The following PIEZO2 variants were observed in gnomAD, a reference collection of about 807,000 sequenced individuals.
PIEZO2 encodes piezo type mechanosensitive ion channel component 2, also known as piezo-type mechanosensitive ion channel component 2.
Under a neutral mutation model 337.3 loss-of-function variants are expected in PIEZO2, and 172 were observed. That is an observed-to-expected ratio of 0.51 (90% CI 0.45 to 0.58). The LOEUF (loss-of-function observed/expected upper bound fraction) is 0.58. Among genes scored for constraint, PIEZO2 ranks in the 20% least tolerant of loss-of-function variants. The probability of loss-of-function intolerance (pLI) is 0.00; values close to 1 mark genes in which losing one functional copy is unlikely to be tolerated. For synonymous variants in PIEZO2, 1,251 were observed against 1,228.5 expected (o/e 1.02, Z -0.38); for missense variants, 3,028 against 3,391.3 (o/e 0.89, Z 2.66).
At chr18:10,858,010 T>C (rs201233905) in intron 5 of PIEZO2, among the ~76,000 whole-genome samples, 53 of 149,126 alleles carry the variant, frequency 3.6e-4, no homozygotes, top group African/African-American at 1.0e-3. Flanking sequence ...TCTTTCTTTT[T>C]TTTTTTTTTT....
intron 2 of PIEZO2, among the ~76,000 whole-genome samples, chr18:11,023,027 C>T (rs1293788134): frequency 6.6e-6 from 1 of 152,058 alleles, no homozygotes; most frequent in African/African-American, 2.4e-5. Context: ...CCAGTGGGTT[C>T]GTGGTCTCGT....
rs1258288726 is a variant in PIEZO2, at chr18:11,110,046, A to G, written c.64+38479T>C. On this transcript the variant is annotated intron_variant, in intron 1 of 55. Coordinates refer to ENST00000674853, the MANE Select transcript of PIEZO2 (RefSeq NM_001378183.1). This position sits in a 1 kb window ranked among gnomAD's most constrained non-coding sequence, Gnocchi z 4.2. ...ATCTTTATCTCCATGGTGGGTGGAC[A>G]ATGACAGGTTCAGGAGTAACTGCAA... 6.6e-6 allele frequency among the ~76,000 whole-genome samples: 1 copy of G among 152,202 alleles called. No individual in the cohort carries two copies. The highest frequency in any genetic ancestry group is 1.5e-5 in the Non-Finnish European group (1 of 68,040).
intron 2 of PIEZO2, among the ~76,000 whole-genome samples, chr18:10,986,295 C>T (rs375009864): frequency 8.5e-5 from 13 of 152,056 alleles, no homozygotes; most frequent in African/African-American, 3.1e-4. Context: ...AAGAAAATTA[C>T]AGGCCAATAT....
At chr18:10,800,706 ACTTTGC>A (rs1251354703) in intron 10 of PIEZO2, among the ~76,000 whole-genome samples, 7 of 152,226 alleles carry the variant, frequency 4.6e-5, no homozygotes. Context: ...ATCTTGTTGC[ACTTTGC>A]CTGAAACCAT....
At position 10,746,946 on chromosome 18, in the gene PIEZO2, G is replaced by T. The variant is rs1376610522; in HGVS notation, c.4424+1525C>A. ...ATACCAGGTGTACTGTAGTAGAATT[G>T]CTTGCTCATGTGCCACTTTCCTGCT... On this transcript the variant is annotated intron_variant, in intron 30 of 55. Coordinates refer to ENST00000674853, the MANE Select transcript of PIEZO2 (RefSeq NM_001378183.1). This position sits in a 1 kb window ranked among gnomAD's most constrained non-coding sequence, Gnocchi z 4.2. Among the ~76,000 whole-genome samples the T allele has an allele frequency of 1.3e-5, 2 of 152,170 alleles. No individual in the cohort carries two copies. Among genetic ancestry groups the T allele is most frequent in the Non-Finnish European group, 2.9e-5 (2 of 68,028 alleles).
chr18:11,041,344 A>G (rs866026308), intron 2 of PIEZO2, among the ~76,000 whole-genome samples: 7 of 152,334 alleles, frequency 4.6e-5, no homozygotes, highest in Middle Eastern at 3.4e-3. Flanking sequence ...AAGGATAAAG[A>G]GAAAGAGAAA....
At chr18:10,802,478 A>G (rs2144286150) in intron 9 of PIEZO2, among the ~76,000 whole-genome samples, 1 of 152,340 alleles carries the variant, frequency 6.6e-6, no homozygotes, top group African/African-American at 2.4e-5. Context: ...TAAATAATTT[A>G]AATAGTTATT....
chr18:10,931,880 C>T (rs1598710290), intron 3 of PIEZO2, among the ~76,000 whole-genome samples: 1 of 152,182 alleles, frequency 6.6e-6, no homozygotes, highest in Non-Finnish European at 1.5e-5. Flanking sequence ...ATTTATTTAG[C>T]TAGTTCCTCT....
intron 43 of PIEZO2, 97 bp from the exon 44 acceptor site, chr18:10,699,274 A>G (rs2035233471): frequency 6.9e-7 from 1 of 1,457,078 alleles, no homozygotes; most frequent in Non-Finnish European, 9.2e-7. Context: ...CTGTCCTTCA[A>G]GATTAGAAAA....
rs563893566 is a variant in PIEZO2 at position 10,732,199 on chromosome 18, G to A, written c.4915-678C>T. The stretch of plus-strand genomic sequence containing the variant: ...AACCAGGAAAGAGCAATTGTGAAGA[G>A]CCCCCATACCAAGAGTCTCCCAAAT... On this transcript the variant is annotated intron_variant, in intron 35 of 55. Coordinates refer to ENST00000674853, the MANE Select transcript of PIEZO2 (RefSeq NM_001378183.1). Among the ~76,000 whole-genome samples the A allele has an allele frequency of 9.2e-5, 14 of 152,222 alleles. No individual in the cohort carries two copies. In the South Asian group the frequency reaches 2.1e-3, roughly 23 times the overall value.
intron 5 of PIEZO2, among the ~76,000 whole-genome samples, chr18:10,868,025 C>T (rs1218283750): frequency 1.3e-5 from 2 of 152,220 alleles, no homozygotes; most frequent in South Asian, 2.1e-4. Context: ...ATCTCCACTT[C>T]CACTGGGGGT....
rs1460575458 is a variant in PIEZO2 at position 10,830,450 on chromosome 18, T to C, written c.918-23176A>G. Among the ~76,000 whole-genome samples, 2 of 151,366 alleles carry C rather than the reference T, an allele frequency of 1.3e-5. No homozygotes were observed. Among genetic ancestry groups the C allele is most frequent in the African/African-American group, 4.9e-5 (2 of 40,846 alleles). ...CTAGCACCATTTATTGAAGAGACTG[T>C]CCTTTCCCCCCTTTTATGCCTCTGG... On this transcript the variant is annotated intron_variant, in intron 7 of 55. Transcript: ENST00000674853. The surrounding 1 kb of genome is among the most constrained non-coding windows in gnomAD (Gnocchi z 4.7).
At position 10,935,741 on chromosome 18, in the gene PIEZO2, C is replaced by T. The variant is rs536016628; in HGVS notation, c.287-24513G>A. On this transcript the variant is annotated intron_variant, in intron 3 of 55. Transcript: ENST00000674853. ...ACTCTTAATTCTGCTGCCAGTGGGC[C>T]GAGCATGCCACATTGTTCACTCCAC... 9.7e-4 allele frequency among the ~76,000 whole-genome samples: 147 copies of T among 152,288 alleles called. 1 individual carries two copies. The highest frequency in any genetic ancestry group is 3.1e-3 in the African/African-American group (129 of 41,562).
chr18:10,889,849 T>C (rs899477961), intron 4 of PIEZO2, among the ~76,000 whole-genome samples: 5 of 152,188 alleles, frequency 3.3e-5, no homozygotes, highest in African/African-American at 9.7e-5. Flanking sequence ...CGTGGATGTG[T>C]TAGCCACATA....
rs1430348277 is a variant in PIEZO2, at chr18:11,080,048, G to C, written c.65-13826C>G. 6.6e-6 allele frequency among the ~76,000 whole-genome samples: 1 copy of C among 152,178 alleles called. No homozygotes were observed. Among genetic ancestry groups the C allele is most frequent in the Non-Finnish European group, 1.5e-5 (1 of 68,024 alleles). On this transcript the variant is annotated intron_variant, in intron 1 of 55. Coordinates refer to ENST00000674853, the MANE Select transcript of PIEZO2 (RefSeq NM_001378183.1). The surrounding 1 kb of genome is among the most constrained non-coding windows in gnomAD (Gnocchi z 5.4). Reference sequence around the variant, plus strand: ...CTCAGAAGGATGCACACACTGTCCAGTGTCAAGGAAAAACTGGGAACTAAT... The same window carrying C: ...CTCAGAAGGATGCACACACTGTCCACTGTCAAGGAAAAACTGGGAACTAAT...
At chr18:11,015,780 T>C (rs915032693) in intron 2 of PIEZO2, among the ~76,000 whole-genome samples, 11 of 152,158 alleles carry the variant, frequency 7.2e-5, no homozygotes, top group Non-Finnish European at 1.3e-4. Flanking sequence ...TGCTCTATGG[T>C]AGACTCGAAT....
intron 1 of PIEZO2, among the ~76,000 whole-genome samples, chr18:11,074,980 G>T (rs2038480571): frequency 1.3e-5 from 2 of 152,162 alleles, no homozygotes; most frequent in African/African-American, 4.8e-5. Flanking sequence ...GCCAAACAAG[G>T]TCTCACTCTT....
At position 11,116,480 on chromosome 18, in the gene PIEZO2, G is replaced by A. The variant is rs537023956; in HGVS notation, c.64+32045C>T. Among the ~76,000 whole-genome samples the A allele has an allele frequency of 9.8e-4, 147 of 150,552 alleles. 1 individual carries two copies. Among genetic ancestry groups the A allele is most frequent in the African/African-American group, 3.5e-3 (143 of 40,966 alleles). On this transcript the variant is annotated intron_variant, in intron 1 of 55. Transcript: ENST00000674853. The surrounding 1 kb of genome is among the most constrained non-coding windows in gnomAD (Gnocchi z 5.0). ...TGTAAACCCAGCACTTTGGGAGGCC[G>A]AGCTGGGCGGATCACGATGTCAGGA...
At chr18:10,747,141 A>G (rs1182211208) in intron 30 of PIEZO2, among the ~76,000 whole-genome samples, 1 of 152,186 alleles carries the variant, frequency 6.6e-6, no homozygotes. Context: ...ACTCTGAACC[A>G]CTGTCATCAT....
Sources: gnomAD v4.1 joint callset for allele counts (sites outside exome capture counted in the v4.1 genomes callset) on GRCh38, gnomAD v4.1.1 for gene constraint, Gnocchi (gnomAD v3.1) non-coding constraint, MANE v1.5 for transcripts, NCBI Gene and HGNC (gene_info 2026-07-23, HGNC 2026-07-21) for gene names.